The following MAP4K3 variants were observed in gnomAD, a reference collection of about 807,000 sequenced individuals.
MAP4K3 encodes the protein mitogen-activated protein kinase kinase kinase kinase 3.
A neutral mutation model predicts 143.5 loss-of-function variants in MAP4K3; 94 were observed. The observed-to-expected ratio is 0.65, with a 90% CI of 0.55 to 0.78. MAP4K3 has a LOEUF of 0.78. MAP4K3 is among the 30% of genes least tolerant of loss of function. MAP4K3 has a pLI of 0.00. For synonymous variants in MAP4K3, 416 were observed against 347.2 expected (o/e 1.20, Z -2.20); for missense variants, 1,077 against 1,068.1 (o/e 1.01, Z -0.12).
At chr2:39,383,634 C>G (rs778477143) in intron 1 of MAP4K3, among the ~76,000 whole-genome samples, 19 of 151,552 alleles carry the variant, frequency 1.3e-4, no homozygotes, top group Non-Finnish European at 1.8e-4. Flanking sequence ...AATAATTCTA[C>G]CAGTACAATA....
At chr2:39,424,108 TA>T (rs1446868041) in intron 1 of MAP4K3, among the ~76,000 whole-genome samples, 1 of 152,160 alleles carries the variant, frequency 6.6e-6, no homozygotes, top group Non-Finnish European at 1.5e-5. Context: ...CACACCCAGC[TA>T]ATTTTTATAT....
chr2:39,260,476 T>C (rs1355226458), intron 29 of MAP4K3, 130 bp downstream of exon 29: 5 of 711,972 alleles, frequency 7.0e-6, no homozygotes, highest in Non-Finnish European at 1.2e-5. Context: ...TCTTCCCTTC[T>C]TCCAGTTTAA....
intron 28 of MAP4K3, among the ~76,000 whole-genome samples, chr2:39,264,164 G>C (rs1041622166): frequency 6.6e-6 from 1 of 152,152 alleles, no homozygotes; most frequent in Non-Finnish European, 1.5e-5. Flanking sequence ...ATCTTGGATA[G>C]AGCATTCTTT....
intron 18 of MAP4K3, among the ~76,000 whole-genome samples, chr2:39,291,947 GA>G (rs1262058304): frequency 6.6e-6 from 1 of 151,784 alleles, no homozygotes; most frequent in Admixed American, 6.6e-5. Context: ...TCAAGGCCTA[GA>G]AAGTTTATGT....
In MAP4K3 at chr2:39,315,408, A is replaced by G. The variant is rs755516659; in HGVS notation, c.919-20T>C. 6 of 1,494,660 alleles carry G rather than the reference A, an allele frequency of 4.0e-6. No individual in the cohort carries two copies. The South Asian group carries it at 5.8e-5, about 14-fold the overall frequency. The allele number at this position is 1,494,660 out of a possible 1,614,324, so 92.6% of individuals were successfully genotyped here. Reference sequence around the variant, plus strand: ...AAGAGGCTAGAAAAGAACAAAATCAATGATATGCAGCATTTGATAATCAAG... The same window carrying G: ...AAGAGGCTAGAAAAGAACAAAATCAGTGATATGCAGCATTTGATAATCAAG... On this transcript the variant is annotated intron_variant, in intron 12 of 33. Transcript: ENST00000263881.
chr2:39,287,630 T>C (rs1297598867), intron 20 of MAP4K3, among the ~76,000 whole-genome samples: 1 of 152,170 alleles, frequency 6.6e-6, no homozygotes, highest in African/African-American at 2.4e-5. Flanking sequence ...AATTGCTTCT[T>C]CTGGATAAAC....
At chr2:39,290,440 T>G in intron 18 of MAP4K3, 106 bp from the exon 19 acceptor site, 1 of 682,732 alleles carries the variant, frequency 1.5e-6, no homozygotes, top group Non-Finnish European at 2.4e-6. Context: ...CAAAGACAAA[T>G]ATCATTTTCT....
intron 1 of MAP4K3, among the ~76,000 whole-genome samples, chr2:39,407,905 T>C (rs1252192900): frequency 6.6e-6 from 1 of 152,018 alleles, no homozygotes; most frequent in Non-Finnish European, 1.5e-5. Context: ...CAGATGAAAG[T>C]GCCCTATTTT....
chr2:39,317,331 C>T (rs1683146563), intron 12 of MAP4K3, among the ~76,000 whole-genome samples: 1 of 152,006 alleles, frequency 6.6e-6, no homozygotes, highest in Admixed American at 6.6e-5. Context: ...CTAGGAAATA[C>T]CATTCCAGAC....
intron 15 of MAP4K3, chr2:39,303,171 GAGAAC>G (rs1432540667): frequency 6.0e-6 from 1 of 166,990 alleles, no homozygotes. Flanking sequence ...GACCAAGAAA[GAGAAC>G]AGGAGAAATA....
intron 1 of MAP4K3, among the ~76,000 whole-genome samples, chr2:39,405,737 G>A (rs1667076512): frequency 6.6e-6 from 1 of 152,112 alleles, no homozygotes; most frequent in African/African-American, 2.4e-5. Context: ...CTGCAGTGGT[G>A]TGCACCTGTG....
chr2:39,315,457 C>T, intron 12 of MAP4K3, 69 bp from the exon 13 acceptor site: 1 of 1,020,198 alleles, frequency 9.8e-7, no homozygotes, highest in Non-Finnish European at 1.5e-6. Context: ...CACAAAATTA[C>T]CCAAATAGGA....
intron 1 of MAP4K3, among the ~76,000 whole-genome samples, chr2:39,417,568 G>C (rs529092201): frequency 2.4e-4 from 36 of 152,204 alleles, no homozygotes; most frequent in African/African-American, 8.4e-4. Flanking sequence ...TAAACAATGG[G>C]GGAAGGCCAG....
At chr2:39,401,728 G>C (rs965483556) in intron 1 of MAP4K3, among the ~76,000 whole-genome samples, 11 of 152,106 alleles carry the variant, frequency 7.2e-5, no homozygotes, top group Non-Finnish European at 1.3e-4. Flanking sequence ...TTGAGCAGGA[G>C]AGGTTGAGGC....
At chr2:39,321,394 C>T (rs888541960) in intron 12 of MAP4K3, among the ~76,000 whole-genome samples, 1 of 152,182 alleles carries the variant, frequency 6.6e-6, no homozygotes, top group Non-Finnish European at 1.5e-5. Flanking sequence ...TTGAAGGCAG[C>T]ATGCTCCTTA....
intron 32 of MAP4K3, 99 bp from the exon 33 acceptor site, chr2:39,251,984 A>G: frequency 1.3e-6 from 1 of 759,600 alleles, no homozygotes; most frequent in South Asian, 1.5e-5. Context: ...CATGATCGCT[A>G]AAAATGAAAA....
chr2:39,435,509 G>C (rs1484184700), intron 1 of MAP4K3, among the ~76,000 whole-genome samples: 4 of 152,166 alleles, frequency 2.6e-5, no homozygotes, highest in Non-Finnish European at 5.9e-5. Flanking sequence ...TCATCTCTGA[G>C]ATCTCAGCTG....
At chr2:39,429,532 A>T (rs1665217430) in intron 1 of MAP4K3, among the ~76,000 whole-genome samples, 2 of 152,228 alleles carry the variant, frequency 1.3e-5, no homozygotes, top group Non-Finnish European at 1.5e-5. Context: ...TATTGTGCCA[A>T]CTAATTTCCT....
chr2:39,351,255 T>C (rs1475909090), intron 3 of MAP4K3, among the ~76,000 whole-genome samples: 1 of 152,204 alleles, frequency 6.6e-6, no homozygotes, highest in Non-Finnish European at 1.5e-5. Flanking sequence ...TTTTCATGCA[T>C]GTGTTCCCTT....
Sources: gnomAD v4.1 joint callset for allele counts (sites outside exome capture counted in the v4.1 genomes callset) on GRCh38, gnomAD v4.1.1 for gene constraint, MANE v1.5 for transcripts, NCBI Gene and HGNC (gene_info 2026-07-23, HGNC 2026-07-21) for gene names.